Variants in EPHA6 observed in about 807,000 individuals in gnomAD.
EPHA6 encodes the protein ephrin type-A receptor 6.
EPHA6 carries 50 observed loss-of-function variants against 112.0 expected under a neutral mutation model. The ratio of observed to expected loss-of-function variants is 0.45; its 90% confidence interval spans 0.36 to 0.56. The LOEUF (loss-of-function observed/expected upper bound fraction) is 0.56, where lower values mean the gene tolerates loss of function less well. EPHA6 is among the 20% of genes least tolerant of loss of function. EPHA6 has a pLI of 0.00. For synonymous variants in EPHA6, 529 were observed against 490.7 expected (o/e 1.08, Z -1.03); for missense variants, 1,280 against 1,417.4 (o/e 0.90, Z 1.56).
intron 9 of EPHA6, among the ~76,000 whole-genome samples, chr3:97,483,461 C>A (rs1355447509): frequency 2.0e-5 from 3 of 152,094 alleles, no homozygotes; most frequent in African/African-American, 7.2e-5. Context: ...TTCTTTACTG[C>A]TTGAGGTTTT....
chr3:97,471,127 T>TA, intron 7 of EPHA6, among the ~76,000 whole-genome samples: 1 of 151,864 alleles, frequency 6.6e-6, no homozygotes, highest in African/African-American at 2.4e-5. Flanking sequence ...ATTTGGCAGG[T>TA]AACTTCATGG....
In EPHA6 at chr3:96,943,019, T is replaced by C. The variant is rs573814826; in HGVS notation, c.451-44311T>C. On this transcript the variant is annotated intron_variant, in intron 2 of 17. Transcript: ENST00000389672. ...TCTCTCATTATCCACCACCAGCCTC[T>C]GGTAACTACTATTCTCTTTTCTACT... Among the ~76,000 whole-genome samples the C allele has an allele frequency of 1.3e-4, 20 of 152,246 alleles. No individual in the cohort carries two copies. The East Asian group carries it at 2.9e-3, about 22-fold the overall frequency.
At position 97,751,414 on chromosome 3, in the gene EPHA6, T is replaced by C. The variant is rs867947888; in HGVS notation, c.*2713T>C. On this transcript the variant is annotated 3_prime_UTR_variant, in exon 18 of 18. Coordinates refer to ENST00000389672, the MANE Select transcript of EPHA6 (RefSeq NM_001080448.3). The stretch of plus-strand genomic sequence containing the variant: ...AAATTCCTTTTAAATTATAATTTTA[T>C]TTTTCAGAATGGTAAGCATGATAAT... Among the ~76,000 whole-genome samples the C allele has an allele frequency of 1.3e-5, 2 of 152,122 alleles. No homozygotes were observed. The highest frequency in any genetic ancestry group is 3.2e-3 in the Middle Eastern group (1 of 316).
rs1210193082 is a variant in EPHA6 at position 97,757,745 on chromosome 3, AAT to A, written c.*9047_*9048del. Among the ~76,000 whole-genome samples, 1 of 151,828 alleles carries A rather than the reference AAT, an allele frequency of 6.6e-6. No individual in the cohort carries two copies. Among genetic ancestry groups the A allele is most frequent in the Non-Finnish European group, 1.5e-5 (1 of 67,768 alleles). ...CTTACATATTAATTTTATGTGATAT[AAT>A]ATGTTTTGATCTCTAAATGCTTACA... On this transcript the variant is annotated 3_prime_UTR_variant, in exon 18 of 18. Transcript: ENST00000389672.
intron 3 of EPHA6, among the ~76,000 whole-genome samples, chr3:97,073,775 T>G (rs1462124501): frequency 6.6e-6 from 1 of 152,048 alleles, no homozygotes; most frequent in Non-Finnish European, 1.5e-5. Flanking sequence ...TTAAAGATTA[T>G]TTCTATTTAT....
At chr3:97,746,030 A>C (rs1252755812) in intron 16 of EPHA6, among the ~76,000 whole-genome samples, 2 of 151,908 alleles carry the variant, frequency 1.3e-5, no homozygotes, top group African/African-American at 4.8e-5. Flanking sequence ...AAGCTGAAGT[A>C]GTTCAAATGT....
At chr3:96,894,995 A>G (rs1388042717) in intron 2 of EPHA6, among the ~76,000 whole-genome samples, 1 of 152,228 alleles carries the variant, frequency 6.6e-6, no homozygotes, top group Non-Finnish European at 1.5e-5. Context: ...TCTACTTACA[A>G]GCAAATCTGT....
At chr3:97,479,439 A>G in intron 9 of EPHA6, 75 bp downstream of exon 9, 1 of 963,894 alleles carries the variant, frequency 1.0e-6, no homozygotes, top group Non-Finnish European at 1.5e-6. Flanking sequence ...AACTGTATCT[A>G]TTGAGTTGAG....
At chr3:97,726,169 G>T (rs2034757471) in intron 15 of EPHA6, among the ~76,000 whole-genome samples, 1 of 151,896 alleles carries the variant, frequency 6.6e-6, no homozygotes, top group Non-Finnish European at 1.5e-5. Context: ...GATAACTGAG[G>T]CTTATAAAGT....
chr3:97,532,321 G>T lies in EPHA6; in HGVS notation c.2201-37G>T, dbSNP rs200730783. Reference sequence around the variant, plus strand: ...TGACTCTTCTGAAATGTAAGTGTTCGGTTTAATCAAATAACTGCTTTTGTT... The same window carrying T: ...TGACTCTTCTGAAATGTAAGTGTTCTGTTTAATCAAATAACTGCTTTTGTT... On this transcript the variant is annotated intron_variant, in intron 10 of 17. Transcript: ENST00000389672. The T allele has an allele frequency of 9.0e-6, 14 of 1,559,632 alleles. No homozygotes were observed. In the East Asian group the frequency reaches 2.7e-4, roughly 30 times the overall value.
intron 5 of EPHA6, among the ~76,000 whole-genome samples, chr3:97,367,618 G>A (rs971726509): frequency 4.0e-5 from 6 of 151,470 alleles, no homozygotes; most frequent in Admixed American, 3.9e-4. Flanking sequence ...TAAGCCCTGT[G>A]GTTCCCCTAC....
intron 6 of EPHA6, chr3:97,441,555 A>G: frequency 2.2e-6 from 1 of 451,756 alleles, no homozygotes. Flanking sequence ...TTCTGTTTTT[A>G]CTGTTACTTT....
intron 10 of EPHA6, among the ~76,000 whole-genome samples, chr3:97,501,255 T>C (rs1424466156): frequency 1.3e-5 from 2 of 152,168 alleles, no homozygotes; most frequent in African/African-American, 4.8e-5. Context: ...TAAAAAATTC[T>C]ATCTGATGAA....
intron 13 of EPHA6, among the ~76,000 whole-genome samples, chr3:97,626,990 C>G (rs1022373661): frequency 2.0e-5 from 3 of 151,812 alleles, no homozygotes; most frequent in Admixed American, 1.3e-4. Context: ...ATGTAACTAA[C>G]ATTTACATGT....
At chr3:96,849,615 C>G (rs2035271806) in intron 1 of EPHA6, among the ~76,000 whole-genome samples, 1 of 152,052 alleles carries the variant, frequency 6.6e-6, no homozygotes. Flanking sequence ...GCTCTTATTT[C>G]TCTTATTCTT....
chr3:97,118,946 A>G (rs1310939250), intron 3 of EPHA6, among the ~76,000 whole-genome samples: 1 of 151,996 alleles, frequency 6.6e-6, no homozygotes, highest in Non-Finnish European at 1.5e-5. Flanking sequence ...TGAAGATTGC[A>G]TCAGCTTTCT....
At chr3:97,579,648 T>A (rs2093419464) in intron 11 of EPHA6, among the ~76,000 whole-genome samples, 1 of 152,204 alleles carries the variant, frequency 6.6e-6, no homozygotes, top group African/African-American at 2.4e-5. Flanking sequence ...GCACCATTAT[T>A]TACACCACTG....
At chr3:96,903,198 A>T (rs1213344369) in intron 2 of EPHA6, among the ~76,000 whole-genome samples, 2 of 152,112 alleles carry the variant, frequency 1.3e-5, no homozygotes, top group Admixed American at 1.3e-4. Context: ...GGTGTAATAT[A>T]GTACAAAGCC....
At chr3:97,033,396 A>G (rs1292523792) in intron 3 of EPHA6, among the ~76,000 whole-genome samples, 1 of 152,028 alleles carries the variant, frequency 6.6e-6, no homozygotes, top group African/African-American at 2.4e-5. Context: ...GAAGCTGGTC[A>G]GTCGGTCAGC....
Sources: allele counts gnomAD v4.1 joint callset (sites outside exome capture counted in the v4.1 genomes callset), GRCh38; gene constraint gnomAD v4.1.1; transcripts MANE v1.5; gene names NCBI Gene and HGNC (gene_info 2026-07-23, HGNC 2026-07-21).